The following AGL variants were observed in gnomAD, a reference collection of about 807,000 sequenced individuals.
AGL encodes the protein glycogen debranching enzyme.
Under a neutral mutation model 199.3 loss-of-function variants are expected in AGL, and 128 were observed. That is an observed-to-expected ratio of 0.64 (90% CI 0.56 to 0.74). The LOEUF (loss-of-function observed/expected upper bound fraction) is 0.74. Ranked by LOEUF, AGL falls within the 30% of genes least tolerant of loss-of-function variation. The pLI, the probability that AGL is intolerant of heterozygous loss-of-function variation, is 0.00. For missense variants in AGL, 1,809 were observed against 1,820.8 expected (o/e 0.99, Z 0.12); for synonymous variants, 584 against 594.7 (o/e 0.98, Z 0.26).
At chr1:99,908,412 T>C (rs1481030230) in intron 27 of AGL, among the ~76,000 whole-genome samples, 1 of 152,222 alleles carries the variant, frequency 6.6e-6, no homozygotes, top group African/African-American at 2.4e-5. Flanking sequence ...TTGGTTAGTG[T>C]AGCTTTGTAG....
At chr1:99,887,789 A>AT (rs1037359179) in intron 20 of AGL, among the ~76,000 whole-genome samples, 189 bp from the exon 21 acceptor site, 3 of 151,916 alleles carry the variant, frequency 2.0e-5, no homozygotes, top group African/African-American at 7.3e-5. Flanking sequence ...TTCTAATTGA[A>AT]TTTTTTTTCA....
chr1:99,918,372 T>G (rs1167013113), intron 33 of AGL, among the ~76,000 whole-genome samples: 3 of 152,240 alleles, frequency 2.0e-5, no homozygotes, highest in Non-Finnish European at 4.4e-5. Flanking sequence ...ATGTGGAATA[T>G]GATTACAGTG....
chr1:99,852,792 C>G (rs1038032069), intron 2 of AGL: 7 of 769,254 alleles, frequency 9.1e-6, no homozygotes, highest in Non-Finnish European at 1.4e-5. Context: ...GTGATAAAGC[C>G]CTAAATAAAT....
chr1:99,853,581 C>G (rs1649153306), intron 2 of AGL, among the ~76,000 whole-genome samples: 1 of 152,108 alleles, frequency 6.6e-6, no homozygotes, highest in South Asian at 2.1e-4. Flanking sequence ...CAGTGTCAGA[C>G]TAGGGTTTAA....
chr1:99,905,693 A>G (rs970757876), intron 27 of AGL, among the ~76,000 whole-genome samples: 5 of 151,732 alleles, frequency 3.3e-5, no homozygotes, highest in African/African-American at 1.2e-4. Context: ...CCTGCCTCAG[A>G]CTGCCAAGTA....
At chr1:99,904,391 G>A (rs886238880) in intron 27 of AGL, among the ~76,000 whole-genome samples, 1 of 152,156 alleles carries the variant, frequency 6.6e-6, no homozygotes. Context: ...TACATAGTAT[G>A]CCATGAACTC....
In AGL at chr1:99,891,271, C is replaced by G; in HGVS notation, c.2864C>G (p.Pro955Arg). 6.2e-7 allele frequency: 1 copy of G among 1,613,604 alleles called. No homozygotes were observed. Among genetic ancestry groups the G allele is most frequent in the Non-Finnish European group, 8.5e-7 (1 of 1,179,710 alleles). ...AGACCAAAGAATGACTTGGGGCATC[C>G]TTTTTGTAATAATTTGAGATCTGGA... ...EIRPKNDLGH[P>R]FCNNLRSGDW... The change falls in exon 22 of 34, where the codon CCT (proline) becomes CGT (arginine). Residue 955 changes from proline to arginine, a missense_variant. Transcript: ENST00000361915.
At chr1:99,897,074 C>G (rs992658879) in intron 25 of AGL, among the ~76,000 whole-genome samples, 1 of 152,136 alleles carries the variant, frequency 6.6e-6, no homozygotes, top group Admixed American at 6.5e-5. Flanking sequence ...CTCGGCCTCC[C>G]GAAGTGCTGG....
intron 2 of AGL, chr1:99,852,616 C>T (rs1477803233): frequency 2.7e-6 from 2 of 738,380 alleles, no homozygotes; most frequent in African/African-American, 3.5e-5. Context: ...ACTCAAGCAA[C>T]CCTCCCTCTT....
chr1:99,856,428 C>T (rs2101067976), intron 2 of AGL, among the ~76,000 whole-genome samples: 1 of 145,452 alleles, frequency 6.9e-6, no homozygotes, highest in Middle Eastern at 3.5e-3. Context: ...CCTTTCTTTT[C>T]TTTTCTTGTA....
At chr1:99,871,262 T>C (rs763352886) in intron 7 of AGL, among the ~76,000 whole-genome samples, 2 of 152,124 alleles carry the variant, frequency 1.3e-5, no homozygotes, top group African/African-American at 2.4e-5. Flanking sequence ...GTAAGAACCT[T>C]AACTGACGTA....
rs560852842 is a variant in AGL, at chr1:99,891,421, A to G, written c.2949+65A>G. The G allele has an allele frequency of 5.1e-6, 8 of 1,561,098 alleles. No homozygotes were observed. In the East Asian group the frequency reaches 6.8e-5, roughly 13 times the overall value. ...ATAATAATAAATATTACCATGTTAT[A>G]TATAATATTTACATTGTTTTCTAAC... On this transcript the variant is annotated intron_variant, in intron 22 of 33. Transcript: ENST00000361915.
At chr1:99,871,004 C>T in intron 7 of AGL, 135 bp downstream of exon 7, 3 of 643,694 alleles carry the variant, frequency 4.7e-6, no homozygotes, top group Non-Finnish European at 8.1e-6. Context: ...TATTATAAAA[C>T]TGTGATTCTG....
intron 24 of AGL, among the ~76,000 whole-genome samples, chr1:99,894,215 C>G (rs1455623593): frequency 6.6e-6 from 1 of 151,682 alleles, no homozygotes; most frequent in Non-Finnish European, 1.5e-5. Flanking sequence ...GTAGCCTGTT[C>G]TAATAATTGA....
At position 99,880,693 on chromosome 1, in the gene AGL, A is replaced by G. The variant is rs757782780; in HGVS notation, c.1797A>G (p.Glu599=). 8 of 1,614,014 alleles carry G rather than the reference A, an allele frequency of 5.0e-6. No individual in the cohort carries two copies. In the South Asian group the frequency reaches 8.8e-5, roughly 18 times the overall value. ...GATTAGTTTACCGATATGGAGGAGAACCTGTTGGATCCTTTGTTCAGCCCT... is the reference window on the plus strand; with the variant it reads ...GATTAGTTTACCGATATGGAGGAGAGCCTGTTGGATCCTTTGTTCAGCCCT... The part of the protein sequence containing the change: ...EGRLVYRYGG[E]PVGSFVQPCL... The change falls in exon 14 of 34, where the codon GAA becomes GAG. Residue 599 remains glutamate, a synonymous_variant. Coordinates refer to ENST00000361915, the MANE Select transcript of AGL (RefSeq NM_000642.3).
chr1:99,883,541 A>T (rs1012967137), intron 17 of AGL, among the ~76,000 whole-genome samples: 22 of 152,194 alleles, frequency 1.4e-4, no homozygotes, highest in Non-Finnish European at 4.4e-5. Flanking sequence ...GAATCTAAAA[A>T]ATACATTGTT....
chr1:99,857,847 A>AGAGGGAGACGGTGGGGGGGGGGAGGGGGT, intron 2 of AGL, among the ~76,000 whole-genome samples: 1 of 8,226 alleles, frequency 1.2e-4, no homozygotes, highest in Middle Eastern at 0.056. Flanking sequence ...GGGGAGGGGG[A>AGAGGGAGACGGTGGGGGGGGGGAGGGGGT]GGGGGGAAGA....
chr1:99,857,560 G>A (rs544877657), intron 2 of AGL, among the ~76,000 whole-genome samples: 2,300 of 151,966 alleles, frequency 0.015, 33 homozygotes, highest in Middle Eastern at 0.088. Flanking sequence ...CTGCAATCCC[G>A]GCACCTCAGG....
In AGL at chr1:99,863,514, G is replaced by T. The variant is rs115695075; in HGVS notation, c.461-872G>T. 9.6e-3 allele frequency among the ~76,000 whole-genome samples: 1,464 copies of T among 152,000 alleles called. 31 individuals carry two copies. Among genetic ancestry groups the T allele is most frequent in the African/African-American group, 0.033 (1,380 of 41,464 alleles). The stretch of plus-strand genomic sequence containing the variant: ...AATGAAACTTGTGTTTCATTTTGGC[G>T]CAATCTCGGCTCACTGCAAGCTCCG... On this transcript the variant is annotated intron_variant, in intron 4 of 33. Transcript: ENST00000361915.
Sources: gnomAD v4.1 joint callset for allele counts (sites outside exome capture counted in the v4.1 genomes callset) on GRCh38, gnomAD v4.1.1 for gene constraint, MANE v1.5 for transcripts, NCBI Gene and HGNC (gene_info 2026-07-23, HGNC 2026-07-21) for gene names.